The following PPP4R2 variants were observed in gnomAD, a reference collection of about 807,000 sequenced individuals.
The protein encoded by PPP4R2 is protein phosphatase 4 regulatory subunit 2.
Under a neutral mutation model 47.2 loss-of-function variants are expected in PPP4R2, and 13 were observed. That is an observed-to-expected ratio of 0.28 (90% CI 0.18 to 0.44). The LOEUF (loss-of-function observed/expected upper bound fraction) is 0.44, where lower values mean the gene tolerates loss of function less well. PPP4R2 is among the 20% of genes least tolerant of loss of function. The pLI is 1.00. For synonymous variants in PPP4R2, 151 were observed against 163.3 expected, an observed-to-expected ratio of 0.92 and a Z score of 0.57; for missense variants, 421 against 491.2, an observed-to-expected ratio of 0.86 and a Z score of 1.35.
intron 2 of PPP4R2, among the ~76,000 whole-genome samples, chr3:73,045,947 G>A (rs1267139351): frequency 6.6e-6 from 1 of 152,140 alleles, no homozygotes; most frequent in Non-Finnish European, 1.5e-5. Flanking sequence ...TTGATATGCA[G>A]CATAATTTTT....
rs1465631573 is a variant in PPP4R2, at chr3:73,065,741, A to T, written c.*19A>T. On this transcript the variant is annotated 3_prime_UTR_variant, in exon 9 of 9. Transcript: ENST00000356692. ...AGACTAACTATTTAGAAACATTTAG[A>T]TGCAGTATTTTACATACAGTTCTGG... 6.5e-7 allele frequency: 1 copy of T among 1,536,644 alleles called. No individual in the cohort carries two copies. The highest frequency in any genetic ancestry group is 8.9e-7 in the Non-Finnish European group (1 of 1,129,228).
At chr3:73,021,854 G>A (rs1255403495) in intron 2 of PPP4R2, among the ~76,000 whole-genome samples, 2 of 135,196 alleles carry the variant, frequency 1.5e-5, no homozygotes, top group East Asian at 2.0e-4. Context: ...CTATATGTGT[G>A]TGTGTGTGTG....
At chr3:72,997,887 G>C (rs1336576769) in intron 1 of PPP4R2, among the ~76,000 whole-genome samples, 190 bp from the exon 2 acceptor site, 1 of 152,154 alleles carries the variant, frequency 6.6e-6, no homozygotes, top group African/African-American at 2.4e-5. Flanking sequence ...GAGGATTCTT[G>C]TTATCTGTAA....
chr3:73,001,234 GTT>G (rs1025129080), intron 2 of PPP4R2, among the ~76,000 whole-genome samples: 2 of 148,358 alleles, frequency 1.3e-5, no homozygotes, highest in East Asian at 3.9e-4. Context: ...GTTTTAAAAA[GTT>G]TTTTTTTTGT....
In PPP4R2 at chr3:72,998,164, T is replaced by C; in HGVS notation, c.116+6T>C. ...GCCAAGACTGGAGAAACAATGTGAG[T>C]TGAAAACATGCATTTGTCGTTATAG... On this transcript the variant is annotated splice_donor_region_variant and intron_variant, in intron 2 of 8. Coordinates refer to ENST00000356692, the MANE Select transcript of PPP4R2 (RefSeq NM_174907.4). 1 of 1,587,468 alleles carries C rather than the reference T, an allele frequency of 6.3e-7. No individual in the cohort carries two copies. Among genetic ancestry groups the C allele is most frequent in the Non-Finnish European group, 8.6e-7 (1 of 1,163,630 alleles).
At chr3:73,006,341 GGC>G (rs1344268010) in intron 2 of PPP4R2, among the ~76,000 whole-genome samples, 1 of 151,828 alleles carries the variant, frequency 6.6e-6, no homozygotes, top group Admixed American at 6.6e-5. Context: ...TGGGGCCACA[GGC>G]GCGCGCCACC....
intron 2 of PPP4R2, among the ~76,000 whole-genome samples, chr3:73,046,772 A>G (rs1367803731): frequency 2.0e-5 from 3 of 152,246 alleles, no homozygotes; most frequent in Non-Finnish European, 4.4e-5. Context: ...TTACTAGTCC[A>G]TGCAAACATT....
At position 73,067,336 on chromosome 3, in the gene PPP4R2, A is replaced by C. The variant is rs1010298103; in HGVS notation, c.*1614A>C. On this transcript the variant is annotated 3_prime_UTR_variant, in exon 9 of 9. Coordinates refer to ENST00000356692, the MANE Select transcript of PPP4R2 (RefSeq NM_174907.4). ...ATGCTTTTGGGTGATTTGGGGGGCA[A>C]CCACAAGTTTTGCGTTTTGACTACT... 2.0e-5 allele frequency: 3 copies of C among 152,104 alleles called. No individual in the cohort carries two copies. Among genetic ancestry groups the C allele is most frequent in the African/African-American group, 7.2e-5 (3 of 41,440 alleles). 9.4% of individuals were successfully genotyped at this position (152,104 alleles called of 1,614,324 possible).
At chr3:73,061,677 G>GT (rs954726554) in intron 5 of PPP4R2, 2 of 180,336 alleles carry the variant, frequency 1.1e-5, no homozygotes, top group Non-Finnish European at 2.3e-5. Flanking sequence ...GGGAGGGGAG[G>GT]TTGTCCCCTG....
intron 4 of PPP4R2, 92 bp from the exon 5 acceptor site, chr3:73,060,931 A>T: frequency 1.2e-6 from 1 of 806,674 alleles, no homozygotes; most frequent in Non-Finnish European, 1.9e-6. Flanking sequence ...ATGGGAATTT[A>T]ACCCACCAGA....
intron 3 of PPP4R2, among the ~76,000 whole-genome samples, chr3:73,051,456 C>G (rs1325475684): frequency 6.6e-6 from 1 of 151,930 alleles, no homozygotes; most frequent in Non-Finnish European, 1.5e-5. Flanking sequence ...TGTGAATTGC[C>G]CTTTATATCT....
At chr3:73,061,456 G>C (rs1187382926) in intron 5 of PPP4R2, 1 of 155,072 alleles carries the variant, frequency 6.4e-6, no homozygotes, top group African/African-American at 2.4e-5. Flanking sequence ...TCAAGATTTA[G>C]ATATAGCAAA....
At chr3:73,005,833 C>CACAAAAAAA (rs1701598926) in intron 2 of PPP4R2, among the ~76,000 whole-genome samples, 1 of 121,784 alleles carries the variant, frequency 8.2e-6, no homozygotes, top group African/African-American at 3.2e-5. Flanking sequence ...ACTCTGTCTG[C>CACAAAAAAA]AAAAAAAAAA....
chr3:73,017,350 G>T lies in PPP4R2; in HGVS notation c.116+19192G>T, dbSNP rs774780571. 4.3e-3 allele frequency among the ~76,000 whole-genome samples: 456 copies of T among 106,990 alleles called. 3 individuals carry two copies. Among genetic ancestry groups the T allele is most frequent in the Non-Finnish European group, 5.1e-3 (256 of 50,406 alleles). 70.2% of individuals were successfully genotyped at this position (106,990 alleles called of 152,430 possible). On this transcript the variant is annotated intron_variant, in intron 2 of 8. Transcript: ENST00000356692. ...TAACCTTTAGTTTCCCATAAATTCTGCCTGTTGTAGCCTGGAAGCTGTGTG... is the reference window on the plus strand; with the variant it reads ...TAACCTTTAGTTTCCCATAAATTCTTCCTGTTGTAGCCTGGAAGCTGTGTG...
chr3:73,035,310 G>C (rs1343702623), intron 2 of PPP4R2, among the ~76,000 whole-genome samples: 1 of 152,186 alleles, frequency 6.6e-6, no homozygotes, highest in African/African-American at 2.4e-5. Context: ...TGAGGTGGGA[G>C]CATCACTTGA....
chr3:73,060,474 C>A (rs974550028), intron 4 of PPP4R2, among the ~76,000 whole-genome samples: 1 of 152,134 alleles, frequency 6.6e-6, no homozygotes, highest in African/African-American at 2.4e-5. Flanking sequence ...AATAATAGGG[C>A]TGGGAGGGGG....
chr3:73,003,708 T>G (rs930912638), intron 2 of PPP4R2, among the ~76,000 whole-genome samples: 3 of 124,404 alleles, frequency 2.4e-5, no homozygotes, highest in Admixed American at 2.3e-4. Context: ...TTTTGTTTTG[T>G]TTTTTTTTGA....
intron 2 of PPP4R2, among the ~76,000 whole-genome samples, chr3:73,018,466 G>GTTATGTTTGTTATGTTATGT (rs1553646475): frequency 1.5e-5 from 1 of 68,828 alleles, no homozygotes. Context: ...TGTTATGTTA[G>GTTATGTTTGTTATGTTATGT]TATCCGAAAC....
At chr3:73,047,969 T>C (rs1702520285) in intron 3 of PPP4R2, among the ~76,000 whole-genome samples, 1 of 152,186 alleles carries the variant, frequency 6.6e-6, no homozygotes, top group African/African-American at 2.4e-5. Flanking sequence ...CTCTGTCTCC[T>C]GGGTTCAAGC....
Sources: gnomAD v4.1 joint callset for allele counts (sites outside exome capture counted in the v4.1 genomes callset) on GRCh38, gnomAD v4.1.1 for gene constraint, MANE v1.5 for transcripts, NCBI Gene and HGNC (gene_info 2026-07-23, HGNC 2026-07-21) for gene names.